Variants in G3BP2 observed in about 807,000 individuals in gnomAD.
The protein encoded by G3BP2 is ras GTPase-activating protein-binding protein 2.
G3BP2 carries 11 observed loss-of-function variants against 56.7 expected under a neutral mutation model. The observed-to-expected ratio is 0.19, with a 90% CI of 0.12 to 0.32. G3BP2 has a LOEUF of 0.32. Among genes scored for constraint, G3BP2 ranks in the 10% least tolerant of loss-of-function variants. The probability of loss-of-function intolerance (pLI) is 1.00; values close to 1 mark genes in which losing one functional copy is unlikely to be tolerated. For synonymous variants in G3BP2, 165 were observed against 191.6 expected (o/e 0.86, Z 1.15); for missense variants, 340 against 610.9 (o/e 0.56, Z 4.67).
rs569154772 is a variant in G3BP2, at chr4:75,673,393, G to A, written c.-210C>T. 2 of 1,232,104 alleles carry A rather than the reference G, an allele frequency of 1.6e-6. No homozygotes were observed. The highest frequency in any genetic ancestry group is 4.1e-5 in the South Asian group (1 of 24,326). 76.3% of individuals were successfully genotyped at this position (1,232,104 alleles called of 1,614,324 possible). ...TCCCGGGCGCCAGGCGCTGCGACGT[G>A]CGACAAGGACCACGGACGTCCCGCC... On this transcript the variant is annotated 5_prime_UTR_variant, in exon 1 of 12. Transcript: ENST00000359707.
intron 1 of G3BP2, among the ~76,000 whole-genome samples, chr4:75,664,148 C>T (rs957848221): frequency 6.6e-6 from 1 of 151,728 alleles, no homozygotes; most frequent in Non-Finnish European, 1.5e-5. Flanking sequence ...TCCCAAAGTG[C>T]TGGGATTACA....
chr4:75,678,480 A>G (rs1276264593), intron 3 of G3BP2, among the ~76,000 whole-genome samples: 1 of 152,232 alleles, frequency 6.6e-6, no homozygotes, highest in Non-Finnish European at 1.5e-5. Context: ...TAGCAGCCCA[A>G]ATAGACTAAA....
intron 1 of G3BP2, among the ~76,000 whole-genome samples, chr4:75,669,138 G>C (rs1286550178): frequency 5.3e-5 from 8 of 152,128 alleles, no homozygotes; most frequent in Admixed American, 3.3e-4. Context: ...TCAAGGTTCT[G>C]TCTTCTAACC....
rs186073510 is a variant in G3BP2 at position 75,667,145 on chromosome 4, G to A, written c.-24-5096C>T. On this transcript the variant is annotated intron_variant, in intron 1 of 11. Coordinates refer to ENST00000359707, the MANE Select transcript of G3BP2 (RefSeq NM_203505.3). ...CTACTAAAAAATACAAAAAATTAGC[G>A]GGGCGTGGTAGTGTGCAAGCGTAGC... 4.2e-3 allele frequency among the ~76,000 whole-genome samples: 635 copies of A among 152,014 alleles called. 1 individual carries two copies. Among genetic ancestry groups the A allele is most frequent in the Non-Finnish European group, 6.1e-3 (417 of 67,964 alleles).
At chr4:75,673,039 C>G (rs1486244169) in intron 1 of G3BP2, 169 bp downstream of exon 1, 1 of 993,274 alleles carries the variant, frequency 1.0e-6, no homozygotes, top group Non-Finnish European at 1.2e-6. Flanking sequence ...GACTGGTCTT[C>G]TCTCACGCAC....
chr4:75,665,880 T>C (rs1363978397), intron 1 of G3BP2, among the ~76,000 whole-genome samples: 1 of 152,128 alleles, frequency 6.6e-6, no homozygotes, highest in Non-Finnish European at 1.5e-5. Context: ...ATACACAAAA[T>C]AGTTTTCTTT....
chr4:75,659,154 A>C (rs1732348875), intron 2 of G3BP2, among the ~76,000 whole-genome samples: 1 of 152,242 alleles, frequency 6.6e-6, no homozygotes, highest in Non-Finnish European at 1.5e-5. Flanking sequence ...TGCACATAGA[A>C]TGCTTAGTTT....
intron 3 of G3BP2, among the ~76,000 whole-genome samples, chr4:75,679,329 A>C (rs545322434): frequency 2.6e-5 from 4 of 152,376 alleles, no homozygotes; most frequent in African/African-American, 7.2e-5. Flanking sequence ...ATTTTAGAGC[A>C]AGAGAGGAGA....
At chr4:75,677,152 A>G (rs1733904935), upstream of G3BP2, among the ~76,000 whole-genome samples, 3 of 151,436 alleles carry the variant, frequency 2.0e-5, no homozygotes, top group Admixed American at 2.0e-4. Context: ...GAATAAGATA[A>G]GACATTTGAA....
chr4:75,654,966 T>G, intron 7 of G3BP2, 100 bp downstream of exon 7: 1 of 762,776 alleles, frequency 1.3e-6, no homozygotes, highest in Non-Finnish European at 2.1e-6. Flanking sequence ...ATAAAATAAT[T>G]TACTAAACAA....
intron 1 of G3BP2, among the ~76,000 whole-genome samples, chr4:75,722,334 T>C (rs949333476): frequency 1.3e-5 from 2 of 152,192 alleles, no homozygotes; most frequent in Admixed American, 6.5e-5. Context: ...CCTACTTTAC[T>C]CACTGAAGTA....
chr4:75,671,883 T>A (rs1733513884), intron 1 of G3BP2, among the ~76,000 whole-genome samples: 1 of 152,216 alleles, frequency 6.6e-6, no homozygotes, highest in African/African-American at 2.4e-5. Context: ...GCCAAAAGTT[T>A]ACTTAGAAAC....
chr4:75,694,536 G>A lies in G3BP2; in HGVS notation c.-25+26341C>T, dbSNP rs1348162571. 2.0e-5 allele frequency among the ~76,000 whole-genome samples: 3 copies of A among 152,206 alleles called. No homozygotes were observed. The South Asian group carries it at 6.2e-4, about 32-fold the overall frequency. ...GGAGAATGGCGCGAACCCGGTAGGC[G>A]GAGCTTGCACTGAGCCGAGATCGCG... On this transcript the variant is annotated intron_variant, in intron 3 of 3. Coordinates refer to the G3BP2 transcript ENST00000499709.
chr4:75,708,078 G>A (rs1719621621), intron 3 of G3BP2, among the ~76,000 whole-genome samples: 1 of 152,148 alleles, frequency 6.6e-6, no homozygotes, highest in African/African-American at 2.4e-5. Flanking sequence ...TCTGCTAGAG[G>A]GATAGGTATT....
At chr4:75,689,036 A>G (rs997369706) in intron 3 of G3BP2, among the ~76,000 whole-genome samples, 1 of 152,050 alleles carries the variant, frequency 6.6e-6, no homozygotes, top group Non-Finnish European at 1.5e-5. Context: ...GTCCTATGGT[A>G]TTGGATATAA....
At chr4:75,661,525 G>A (rs1732560745) in intron 2 of G3BP2, 1 of 149,534 alleles carries the variant, frequency 6.7e-6, no homozygotes, top group South Asian at 2.1e-4. Flanking sequence ...GGTGGCTCAT[G>A]CCTGTAATCC....
rs192764388 is a variant in G3BP2, at chr4:75,642,972, A to C, written c.*2458T>G. On this transcript the variant is annotated 3_prime_UTR_variant, in exon 12 of 12. Coordinates refer to ENST00000359707, the MANE Select transcript of G3BP2 (RefSeq NM_203505.3). Reference sequence around the variant, plus strand: ...TACTAAAGCCAAGATGGTAAAGCCAATTTGGTTGCAATAGTGTCATAAGGA... The same window carrying C: ...TACTAAAGCCAAGATGGTAAAGCCACTTTGGTTGCAATAGTGTCATAAGGA... The C allele has an allele frequency of 6.6e-6, 1 of 152,604 alleles. No individual in the cohort carries two copies. Among genetic ancestry groups the C allele is most frequent in the Non-Finnish European group, 1.5e-5 (1 of 68,000 alleles). 9.5% of individuals were successfully genotyped at this position (152,604 alleles called of 1,614,324 possible).
At chr4:75,688,474 T>C (rs569147523) in intron 3 of G3BP2, among the ~76,000 whole-genome samples, 1 of 152,372 alleles carries the variant, frequency 6.6e-6, no homozygotes, top group East Asian at 1.9e-4. Context: ...ATGCTTTGAA[T>C]GCTCTGTTTT....
intron 2 of G3BP2, among the ~76,000 whole-genome samples, chr4:75,721,502 C>T (rs1720177315): frequency 6.6e-6 from 1 of 150,486 alleles, no homozygotes; most frequent in African/African-American, 2.4e-5. Flanking sequence ...AAATGATCCT[C>T]CCACCTTGGC....
Sources: allele counts gnomAD v4.1 joint callset (sites outside exome capture counted in the v4.1 genomes callset), GRCh38; gene constraint gnomAD v4.1.1; transcripts MANE v1.5; gene names NCBI Gene and HGNC (gene_info 2026-07-23, HGNC 2026-07-21).